The following MBD2 variants were observed in gnomAD, a reference collection of about 807,000 sequenced individuals.
The protein encoded by MBD2 is methyl-CpG binding domain protein 2, also known as methyl-CpG-binding domain protein 2.
MBD2 carries 9 observed loss-of-function variants against 39.3 expected under a neutral mutation model. The observed-to-expected ratio is 0.23, with a 90% confidence interval of 0.14 to 0.40. The LOEUF (loss-of-function observed/expected upper bound fraction) is 0.40, where lower values mean the gene tolerates loss of function less well. Among genes scored for constraint, MBD2 ranks in the 10% least tolerant of loss-of-function variants. The probability of loss-of-function intolerance (pLI) is 1.00; values close to 1 mark genes in which losing one functional copy is unlikely to be tolerated. For missense variants in MBD2, 458 were observed against 532.6 expected (o/e 0.86, Z 1.38); for synonymous variants, 233 against 211.1 (o/e 1.10, Z -0.90).
chr18:54,214,912 TG>T (rs1490270951), intron 1 of MBD2, among the ~76,000 whole-genome samples: 4 of 152,008 alleles, frequency 2.6e-5, no homozygotes, highest in Admixed American at 2.6e-4. Flanking sequence ...GCTAATTTTT[TG>T]TATTTCTTAG....
In MBD2 at chr18:54,168,603, G is replaced by A. The variant is rs370981713; in HGVS notation, c.841-2437C>T. On this transcript the variant is annotated intron_variant, in intron 3 of 6. Transcript: ENST00000256429. ...TATATATATATATATATATATTTAT[G>A]TATGCATATTTGTGTGTGTGTGTGT... Among the ~76,000 whole-genome samples the A allele has an allele frequency of 5.0e-3, 532 of 105,370 alleles. 2 individuals are homozygous for A. The highest frequency in any genetic ancestry group is 0.017 in the African/African-American group (352 of 21,032). 69.1% of individuals were successfully genotyped at this position (105,370 alleles called of 152,430 possible). A position where few individuals can be genotyped will look rare whatever the true frequency, so the allele number is the denominator to read the frequency against.
chr18:54,193,474 A>C (rs2086338889), intron 2 of MBD2, among the ~76,000 whole-genome samples: 1 of 152,214 alleles, frequency 6.6e-6, no homozygotes, highest in Admixed American at 6.5e-5. Flanking sequence ...TATTAGGCTG[A>C]AAGTATTTTT....
chr18:54,164,756 T>C, intron 4 of MBD2, 56 bp from the exon 5 acceptor site: 1 of 1,412,060 alleles, frequency 7.1e-7, no homozygotes, highest in Non-Finnish European at 9.9e-7. Flanking sequence ...CTGAGCAAAC[T>C]TTATGTGACA....
chr18:54,224,428 G>A lies in MBD2; in HGVS notation c.132C>T (p.Ser44=). Reference sequence around the variant, plus strand: ...CTTCCCTGCGCACGCCGCTCACCGGGGACGGGGCGAGCGCGCTGCCCTGGC... The same window carrying A: ...CTTCCCTGCGCACGCCGCTCACCGGAGACGGGGCGAGCGCGCTGCCCTGGC... ...QGGQGSALAP[S]PVSGVRREGA... Residue 44 remains serine, a synonymous_variant, in exon 1 of 7, where the codon TCC becomes TCT. Transcript: ENST00000256429. 8.0e-7 allele frequency: 1 copy of A among 1,242,424 alleles called. No homozygotes were observed. 77.0% of individuals were successfully genotyped at this position (1,242,424 alleles called of 1,614,324 possible). A position where few individuals can be genotyped will look rare whatever the true frequency, so the allele number is the denominator to read the frequency against.
At chr18:54,198,293 A>T (rs986600237) in intron 2 of MBD2, among the ~76,000 whole-genome samples, 1 of 152,244 alleles carries the variant, frequency 6.6e-6, no homozygotes, top group African/African-American at 2.4e-5. Context: ...TCTGAGCTGC[A>T]GCAAGTGACC....
intron 2 of MBD2, among the ~76,000 whole-genome samples, chr18:54,200,875 C>T (rs969602679): frequency 6.6e-6 from 1 of 151,908 alleles, no homozygotes; most frequent in Admixed American, 6.6e-5. Context: ...GTCAGGAGAT[C>T]GAGACCATCC....
In MBD2 at chr18:54,168,572, C is replaced by CATAT. The variant is rs56174434; in HGVS notation, c.841-2410_841-2407dup. On this transcript the variant is annotated intron_variant, in intron 3 of 6. Transcript: ENST00000256429. ...TTGTTATGCCATGAAAATGGAGATA[C>CATAT]ATATATATATATATATATATATATA... Among the ~76,000 whole-genome samples the CATAT allele has an allele frequency of 7.1e-3, 810 of 114,860 alleles. 75 individuals carry two copies. Among genetic ancestry groups the CATAT allele is most frequent in the African/African-American group, 0.026 (685 of 26,412 alleles). 75.4% of individuals were successfully genotyped at this position (114,860 alleles called of 152,430 possible). A position where few individuals can be genotyped will look rare whatever the true frequency, so the allele number is the denominator to read the frequency against.
At chr18:54,185,105 A>G (rs1297551776) in intron 3 of MBD2, among the ~76,000 whole-genome samples, 2 of 152,228 alleles carry the variant, frequency 1.3e-5, no homozygotes, top group Admixed American at 1.3e-4. Flanking sequence ...CACACTTTTC[A>G]TACACAGTGA....
At chr18:54,162,962 T>A (rs547080179) in intron 5 of MBD2, among the ~76,000 whole-genome samples, 6 of 152,264 alleles carry the variant, frequency 3.9e-5, no homozygotes, top group African/African-American at 1.4e-4. Flanking sequence ...TTGTATGGAT[T>A]TTTTTAAAAA....
intron 1 of MBD2, among the ~76,000 whole-genome samples, chr18:54,212,001 G>A (rs1043992478): frequency 2.0e-5 from 3 of 151,934 alleles, no homozygotes; most frequent in Non-Finnish European, 2.9e-5. Context: ...GATTACAGGC[G>A]CCTGCCACCA....
chr18:54,205,518 G>A (rs556550110), intron 1 of MBD2, among the ~76,000 whole-genome samples: 1 of 151,586 alleles, frequency 6.6e-6, no homozygotes, highest in South Asian at 2.1e-4. Context: ...TTGAACTCAG[G>A]AGGTGGAGGT....
At chr18:54,159,418 A>G (rs1145308) in intron 6 of MBD2, among the ~76,000 whole-genome samples, 53,793 of 150,388 alleles carry the variant, frequency 0.36, 9,954 homozygotes, top group East Asian at 0.56. Context: ...ATACAGCGAC[A>G]CCTTTTTTTT....
intron 1 of MBD2, among the ~76,000 whole-genome samples, chr18:54,214,542 T>G (rs2086539288): frequency 6.6e-6 from 1 of 152,080 alleles, no homozygotes; most frequent in Non-Finnish European, 1.5e-5. Flanking sequence ...CTTTATAACC[T>G]AAGGTCTGCC....
rs377340029 is a variant in MBD2, at chr18:54,218,245, T to C, written c.542+5773A>G. Among the ~76,000 whole-genome samples, 80 of 152,356 alleles carry C rather than the reference T, an allele frequency of 5.3e-4. 1 individual carries two copies. The South Asian group carries it at 0.013, about 26-fold the overall frequency. On this transcript the variant is annotated intron_variant, in intron 1 of 6. Transcript: ENST00000256429. ...ATATTTCTGAACAAATTGATCACTT[T>C]TATTACTCAGAACAATACTGCTTTA...
chr18:54,204,342 T>C (rs1336086840), intron 2 of MBD2, among the ~76,000 whole-genome samples: 1 of 152,250 alleles, frequency 6.6e-6, no homozygotes, highest in Non-Finnish European at 1.5e-5. Context: ...TTTAACATAA[T>C]TAAATTAGTA....
chr18:54,214,927 A>AGATGG (rs2086544259), intron 1 of MBD2, among the ~76,000 whole-genome samples: 1 of 151,962 alleles, frequency 6.6e-6, no homozygotes, highest in East Asian at 1.9e-4. Context: ...TTCTTAGTAG[A>AGATGG]GATGGGGTTT....
intron 2 of MBD2, among the ~76,000 whole-genome samples, chr18:54,204,184 T>TCA (rs2086430748): frequency 6.6e-6 from 1 of 152,172 alleles, no homozygotes; most frequent in Admixed American, 6.5e-5. Flanking sequence ...TCCACTATGT[T>TCA]CACTGTCAGT....
chr18:54,192,597 T>C lies in MBD2; in HGVS notation c.703-3586A>G, dbSNP rs576284837. On this transcript the variant is annotated intron_variant, in intron 2 of 6. Coordinates refer to ENST00000256429, the MANE Select transcript of MBD2 (RefSeq NM_003927.5). ...ACAAAGGTGGCATCATGTGTCTACTTCAGTAGACACACAGAAGTATTTGCA... is the reference window on the plus strand; with the variant it reads ...ACAAAGGTGGCATCATGTGTCTACTCCAGTAGACACACAGAAGTATTTGCA... Among the ~76,000 whole-genome samples, 6 of 152,302 alleles carry C rather than the reference T, an allele frequency of 3.9e-5. No homozygotes were observed. In the East Asian group the frequency reaches 1.2e-3, roughly 29 times the overall value.
In MBD2 at chr18:54,224,476, G is replaced by A; in HGVS notation, c.84C>T (p.Gly28=). ...ESAAGGSGAG[G]DSAIEQGGQG... ...GGCCCCCCTGCTCTATGGCGGAGTC[G>A]CCGCCAGCGCCGCTGCCGCCCGCCG... The change falls in exon 1 of 7, where the codon GGC becomes GGT. Residue 28 remains glycine, a synonymous_variant. Coordinates refer to ENST00000256429, the MANE Select transcript of MBD2 (RefSeq NM_003927.5). 1.6e-6 allele frequency: 2 copies of A among 1,231,080 alleles called. No homozygotes were observed. The highest frequency in any genetic ancestry group is 2.0e-6 in the Non-Finnish European group (2 of 988,578). 76.3% of individuals were successfully genotyped at this position (1,231,080 alleles called of 1,614,324 possible).
Sources: allele counts gnomAD v4.1 joint callset (sites outside exome capture counted in the v4.1 genomes callset), GRCh38; gene constraint gnomAD v4.1.1; transcripts MANE v1.5; gene names NCBI Gene and HGNC (gene_info 2026-07-23, HGNC 2026-07-21).